The following MYO18B variants were observed in gnomAD, a reference collection of about 807,000 sequenced individuals.
The protein encoded by MYO18B is unconventional myosin-XVIIIb.
Under a neutral mutation model 273.0 loss-of-function variants are expected in MYO18B, and 204 were observed. The ratio of observed to expected loss-of-function variants is 0.75; its 90% CI spans 0.67 to 0.84. The LOEUF (loss-of-function observed/expected upper bound fraction) is 0.84. Among genes scored for constraint, MYO18B ranks in the 40% least tolerant of loss-of-function variants. The pLI is 0.00. For missense variants in MYO18B, 3,212 were observed against 3,287.6 expected, an observed-to-expected ratio of 0.98 and a Z score of 0.56; for synonymous variants, 1,330 against 1,305.7, an observed-to-expected ratio of 1.02 and a Z score of -0.40.
intron 1 of MYO18B, among the ~76,000 whole-genome samples, chr22:25,745,334 T>G (rs1365553486): frequency 6.6e-6 from 1 of 152,100 alleles, no homozygotes; most frequent in African/African-American, 2.4e-5. Flanking sequence ...GGTCTCAAAC[T>G]TGGGAGCTCA....
In MYO18B at chr22:26,027,164, C is replaced by G. The variant is rs1426442407; in HGVS notation, c.7190C>G (p.Pro2397Arg). 4 of 1,614,010 alleles carry G rather than the reference C, an allele frequency of 2.5e-6. No individual in the cohort carries two copies. The highest frequency in any genetic ancestry group is 1.6e-4 in the Middle Eastern group (1 of 6,062). ...LESSVDDAGCPDLGKEPLVFQ... is the reference protein window; with the variant it reads ...LESSVDDAGCRDLGKEPLVFQ... Reference sequence around the variant, plus strand: ...TCCTCTGTGGACGATGCGGGCTGTCCAGACCTTGGAAAGGAGCCGCTTGTT... The same window carrying G: ...TCCTCTGTGGACGATGCGGGCTGTCGAGACCTTGGAAAGGAGCCGCTTGTT... The change falls in exon 43 of 44, where the codon CCA (proline) becomes CGA (arginine). Residue 2397 changes from proline to arginine, a missense_variant. By Grantham distance (103) the Pro-to-Arg change is moderately radical. Transcript: ENST00000335473. The surrounding 1 kb of genome is among the most constrained non-coding windows in gnomAD (Gnocchi z 4.1).
downstream of MYO18B, among the ~76,000 whole-genome samples, chr22:26,032,930 T>C (rs1936699741): frequency 6.6e-6 from 1 of 152,206 alleles, no homozygotes; most frequent in Non-Finnish European, 1.5e-5. Context: ...GAAGTGGTGA[T>C]TTAATTATTA....
rs1428909347 is a variant in MYO18B, at chr22:25,895,208, C to T, written c.4596C>T (p.Leu1532=). ...FDCAQMENEF[L]RKRLQQCEER... Reference sequence around the variant, plus strand: ...GTGCTCAGATGGAGAACGAGTTCCTCAGAAAGCGTCTGCAGCAATGCGAGG... The same window carrying T: ...GTGCTCAGATGGAGAACGAGTTCCTTAGAAAGCGTCTGCAGCAATGCGAGG... The change falls in exon 28 of 44, where the codon CTC becomes CTT. Residue 1532 remains leucine, a synonymous_variant. Coordinates refer to ENST00000335473, the MANE Select transcript of MYO18B (RefSeq NM_032608.7). The T allele has an allele frequency of 6.2e-7, 1 of 1,611,132 alleles. No individual in the cohort carries two copies.
rs772150993 is a variant in MYO18B, at chr22:25,846,293, C to A, written c.3552+10C>A. The stretch of plus-strand genomic sequence containing the variant: ...GATCAAGCTGCAGATGGTGAGTGGG[C>A]ACCCTGTCTCATGGTGTCCTGGCCT... On this transcript the variant is annotated intron_variant, in intron 19 of 43. Transcript: ENST00000335473. 5.0e-6 allele frequency: 8 copies of A among 1,609,892 alleles called. No homozygotes were observed. The highest frequency in any genetic ancestry group is 6.8e-6 in the Non-Finnish European group (8 of 1,179,606).
chr22:25,981,230 G>A (rs765781462), intron 39 of MYO18B, among the ~76,000 whole-genome samples: 2 of 152,156 alleles, frequency 1.3e-5, no homozygotes, highest in Non-Finnish European at 2.9e-5. Context: ...GTCTTCTCTG[G>A]GGATATGATT....
intron 39 of MYO18B, among the ~76,000 whole-genome samples, chr22:25,977,190 G>A (rs1482499044): frequency 2.0e-5 from 3 of 152,088 alleles, no homozygotes; most frequent in Non-Finnish European, 4.4e-5. Context: ...GTTTCTCCCC[G>A]GCTATGCTTA....
intron 39 of MYO18B, among the ~76,000 whole-genome samples, chr22:25,966,142 C>A (rs1165934507): frequency 6.6e-6 from 1 of 152,224 alleles, no homozygotes; most frequent in Non-Finnish European, 1.5e-5. Context: ...AAAAGCACAC[C>A]TGCTCCTCTC....
chr22:25,766,087 T>G (rs1355509963), intron 3 of MYO18B, among the ~76,000 whole-genome samples: 1 of 151,590 alleles, frequency 6.6e-6, no homozygotes, highest in Non-Finnish European at 1.5e-5. Flanking sequence ...GGAGTTAAGG[T>G]TTTTAAAAGT....
chr22:25,815,362 G>A (rs769206782), intron 12 of MYO18B, among the ~76,000 whole-genome samples: 19 of 152,154 alleles, frequency 1.2e-4, no homozygotes, highest in Admixed American at 2.6e-4. Flanking sequence ...GCCCCTGCAG[G>A]TGCCCCATGT....
chr22:25,825,386 C>G (rs1004951967), intron 13 of MYO18B, among the ~76,000 whole-genome samples: 6 of 152,082 alleles, frequency 3.9e-5, no homozygotes, highest in Non-Finnish European at 7.4e-5. Flanking sequence ...CACTAGTGCG[C>G]ACTGATTTGG....
chr22:25,781,060 C>T (rs1286947584), intron 9 of MYO18B, among the ~76,000 whole-genome samples: 1 of 152,172 alleles, frequency 6.6e-6, no homozygotes, highest in Non-Finnish European at 1.5e-5. Flanking sequence ...CCAAATAAGT[C>T]CCTTTTCTGT....
rs766276848 is a variant in MYO18B at position 25,846,116 on chromosome 22, C to G, written c.3385C>G (p.Leu1129Val). Residue 1129 changes from leucine to valine, a missense_variant, in exon 19 of 44, where the codon CTA becomes GTA. Coordinates refer to ENST00000335473, the MANE Select transcript of MYO18B (RefSeq NM_032608.7). ...HQSKREELRS[L>V]FQARAKLPPV... is the part of the protein sequence containing the mutation. ...CCCCACCAGAGAGGAGCTGCGGAGT[C>G]TATTCCAGGCCCGGGCCAAGCTGCC... The G allele has an allele frequency of 1.5e-5, 23 of 1,579,554 alleles. No individual in the cohort carries two copies. Among genetic ancestry groups the G allele is most frequent in the Admixed American group, 1.9e-5 (1 of 53,016 alleles).
At chr22:25,833,660 C>T (rs1234950329) in intron 16 of MYO18B, among the ~76,000 whole-genome samples, 2 of 152,176 alleles carry the variant, frequency 1.3e-5, no homozygotes, top group Non-Finnish European at 2.9e-5. Context: ...TCTTGGTGAC[C>T]TTGGGCATGT....
At chr22:25,889,755 C>T (rs914350570) in intron 25 of MYO18B, among the ~76,000 whole-genome samples, 10 of 152,152 alleles carry the variant, frequency 6.6e-5, no homozygotes, top group African/African-American at 1.4e-4. Flanking sequence ...AAGCCCTGCT[C>T]ATTTGGCATC....
Position 25,876,197 on chromosome 22 carries a change from A to C in MYO18B, c.4089A>C (p.Arg1363=). 1 of 1,605,590 alleles carries C rather than the reference A, an allele frequency of 6.2e-7. No homozygotes were observed. Among genetic ancestry groups the C allele is most frequent in the Non-Finnish European group, 8.5e-7 (1 of 1,175,232 alleles). The change falls in exon 24 of 44, where the codon CGA becomes CGC. Residue 1363 remains arginine (R), a synonymous_variant. Transcript: ENST00000335473. ...RQEFKKLKIR[R]LAAQCIQKNV... is the part of the protein sequence containing the mutation. ...GTTCTCCTTCCCTGCAGATTCGCCG[A>C]CTGGCTGCACAGTGCATCCAGAAGA...
chr22:25,993,569 A>G (rs1426840534), intron 40 of MYO18B, among the ~76,000 whole-genome samples: 2 of 152,104 alleles, frequency 1.3e-5, no homozygotes, highest in African/African-American at 4.8e-5. Context: ...TTGTTTCCAT[A>G]TGAGGACCCT....
chr22:26,054,713 C>T, the MYO18B span, among the ~76,000 whole-genome samples: 1 of 152,216 alleles, frequency 6.6e-6, no homozygotes, highest in East Asian at 1.9e-4. Flanking sequence ...CCTCACAGAG[C>T]CCAGAGAAAG....
In MYO18B at chr22:26,004,363, T is replaced by G. The variant is rs568589217; in HGVS notation, c.6333-355T>G. Among the ~76,000 whole-genome samples, 25 of 152,292 alleles carry G rather than the reference T, an allele frequency of 1.6e-4. No individual in the cohort carries two copies. In the South Asian group the frequency reaches 2.5e-3, roughly 15 times the overall value. On this transcript the variant is annotated intron_variant, in intron 41 of 43. Coordinates refer to ENST00000335473, the MANE Select transcript of MYO18B (RefSeq NM_032608.7). ...AACACATCAAATTCAATGCCAAACT[T>G]TACTCCTAAATTGGAGAGACCTCAA...
chr22:25,934,221 A>G (rs905796201), intron 34 of MYO18B, among the ~76,000 whole-genome samples: 14 of 148,772 alleles, frequency 9.4e-5, no homozygotes, highest in African/African-American at 3.5e-4. Flanking sequence ...ACATATGTCT[A>G]TTGCCATTAT....
Sources: allele counts gnomAD v4.1 joint callset (sites outside exome capture counted in the v4.1 genomes callset), GRCh38; gene constraint gnomAD v4.1.1; non-coding constraint Gnocchi (gnomAD v3.1); transcripts MANE v1.5; gene names NCBI Gene and HGNC (gene_info 2026-07-23, HGNC 2026-07-21).